IGF2BP2: variants seen among roughly 807,000 people sequenced by gnomAD.
IGF2BP2 encodes insulin-like growth factor 2 mRNA-binding protein 2.
A neutral mutation model predicts 75.8 loss-of-function variants in IGF2BP2; 17 were observed. That is an observed-to-expected ratio of 0.22 (90% confidence interval 0.15 to 0.34). The LOEUF (loss-of-function observed/expected upper bound fraction) is 0.34. IGF2BP2 is among the 10% of genes least tolerant of loss of function. The probability of loss-of-function intolerance (pLI) is 1.00; values close to 1 mark genes in which losing one functional copy is unlikely to be tolerated. For synonymous variants in IGF2BP2, 288 were observed against 295.6 expected, an observed-to-expected ratio of 0.97 and a Z score of 0.26; for missense variants, 516 against 772.4, an observed-to-expected ratio of 0.67 and a Z score of 3.93.
intron 2 of IGF2BP2, among the ~76,000 whole-genome samples, chr3:185,739,460 T>G (rs1456245696): frequency 6.6e-6 from 1 of 152,230 alleles, no homozygotes; most frequent in African/African-American, 2.4e-5. Context: ...TAAACCCTTC[T>G]GTTATCAAAA....
chr3:185,697,413 G>C (rs566484275), intron 3 of IGF2BP2, among the ~76,000 whole-genome samples: 4 of 131,738 alleles, frequency 3.0e-5, no homozygotes, highest in African/African-American at 9.9e-5. Flanking sequence ...GGCAATAATC[G>C]TGTGTTTTTT....
rs9845593 is a variant in IGF2BP2 at position 185,646,416 on chromosome 3, T to C, written c.1707+609A>G. On this transcript the variant is annotated intron_variant, in intron 15 of 15. Transcript: ENST00000382199. The stretch of plus-strand genomic sequence containing the variant: ...GTCTGCTTACACCAAGTACACTGTT[T>C]GTCTTCACTGGTTTAGGACAAAGAC... Among the ~76,000 whole-genome samples the C allele has an allele frequency of 7.2e-3, 1,096 of 152,298 alleles. 18 individuals carry two copies. The highest frequency in any genetic ancestry group is 0.024 in the African/African-American group (983 of 41,546).
intron 2 of IGF2BP2, among the ~76,000 whole-genome samples, chr3:185,715,514 C>T (rs1484383735): frequency 6.6e-6 from 1 of 152,236 alleles, no homozygotes; most frequent in Non-Finnish European, 1.5e-5. Context: ...ATTGACTTTT[C>T]ATCCTCAGAA....
At chr3:185,749,285 A>G (rs1267177871) in intron 2 of IGF2BP2, among the ~76,000 whole-genome samples, 8 of 152,256 alleles carry the variant, frequency 5.3e-5, no homozygotes, top group Admixed American at 5.2e-4. Context: ...ATTGTCTACT[A>G]GTTTATTTAT....
intron 2 of IGF2BP2, among the ~76,000 whole-genome samples, chr3:185,776,525 G>A (rs1224967928): frequency 6.6e-6 from 1 of 152,178 alleles, no homozygotes; most frequent in Non-Finnish European, 1.5e-5. Flanking sequence ...GCTGAGCCTC[G>A]TTTTGAACGT....
intron 2 of IGF2BP2, among the ~76,000 whole-genome samples, chr3:185,795,992 T>C (rs1737321942): frequency 6.6e-6 from 1 of 152,212 alleles, no homozygotes; most frequent in Admixed American, 6.5e-5. Flanking sequence ...GATTGTATGA[T>C]GTAGAGGAAA....
intron 1 of IGF2BP2, among the ~76,000 whole-genome samples, chr3:185,823,609 C>T (rs1326922586): frequency 6.6e-6 from 1 of 152,076 alleles, no homozygotes; most frequent in Non-Finnish European, 1.5e-5. Context: ...CCACCGGGCT[C>T]CCCTCCCTGC....
intron 2 of IGF2BP2, among the ~76,000 whole-genome samples, chr3:185,764,602 T>C (rs1285183033): frequency 6.6e-6 from 1 of 152,196 alleles, no homozygotes; most frequent in Non-Finnish European, 1.5e-5. Flanking sequence ...AGGGAGGTTG[T>C]TTCACAGGAC....
chr3:185,691,097 CT>C (rs1007243708), intron 5 of IGF2BP2, among the ~76,000 whole-genome samples: 2 of 151,454 alleles, frequency 1.3e-5, no homozygotes, highest in East Asian at 1.9e-4. Flanking sequence ...TTACCTTTTT[CT>C]TTTTTTTTAT....
intron 2 of IGF2BP2, among the ~76,000 whole-genome samples, chr3:185,807,369 C>G (rs1356035884): frequency 1.3e-5 from 2 of 152,176 alleles, no homozygotes; most frequent in African/African-American, 4.8e-5. Context: ...ATGGGGATAA[C>G]AGTATCTTCC....
intron 2 of IGF2BP2, among the ~76,000 whole-genome samples, chr3:185,753,741 T>C (rs546660462): frequency 3.3e-4 from 50 of 152,258 alleles, no homozygotes; most frequent in African/African-American, 1.1e-3. Context: ...ATGGCTTGGA[T>C]GTGTGTCCCC....
intron 3 of IGF2BP2, 83 bp downstream of exon 3, chr3:185,698,216 G>A: frequency 8.5e-7 from 1 of 1,181,340 alleles, no homozygotes; most frequent in East Asian, 2.3e-5. Flanking sequence ...GAAACACTGA[G>A]GCCCTCTAAT....
intron 2 of IGF2BP2, among the ~76,000 whole-genome samples, chr3:185,761,168 C>T (rs1732306604): frequency 6.6e-6 from 1 of 151,982 alleles, no homozygotes; most frequent in Admixed American, 6.6e-5. Flanking sequence ...TGGTGTTAGG[C>T]TCCAACGAAA....
At chr3:185,735,198 T>C (rs1578143090) in intron 2 of IGF2BP2, among the ~76,000 whole-genome samples, 1 of 150,424 alleles carries the variant, frequency 6.6e-6, no homozygotes, top group Admixed American at 6.7e-5. Context: ...CAGGCTGGAG[T>C]GCAGCGGCAT....
chr3:185,796,552 G>A (rs1737415419), intron 2 of IGF2BP2, among the ~76,000 whole-genome samples: 2 of 108,250 alleles, frequency 1.8e-5, no homozygotes, highest in Non-Finnish European at 1.7e-5. Context: ...GTGACAGAGT[G>A]ACATTCCGTC....
intron 2 of IGF2BP2, among the ~76,000 whole-genome samples, chr3:185,723,978 G>A (rs768100448): frequency 5.3e-5 from 8 of 152,202 alleles, no homozygotes; most frequent in African/African-American, 1.7e-4. Context: ...CAGGGAAGCC[G>A]AAGGAGACAA....
intron 10 of IGF2BP2, among the ~76,000 whole-genome samples, chr3:185,663,243 A>G (rs1260526862): frequency 6.6e-6 from 1 of 152,148 alleles, no homozygotes; most frequent in Non-Finnish European, 1.5e-5. Flanking sequence ...CGGAGAAGCT[A>G]CTTTATTTTT....
intron 2 of IGF2BP2, among the ~76,000 whole-genome samples, chr3:185,739,877 C>T (rs1389703728): frequency 8.9e-6 from 1 of 112,784 alleles, no homozygotes; most frequent in African/African-American, 3.5e-5. Context: ...CACCCCGAGA[C>T]AAGGTCTCAC....
intron 2 of IGF2BP2, among the ~76,000 whole-genome samples, chr3:185,779,840 C>T (rs1421422129): frequency 6.6e-6 from 1 of 152,114 alleles, no homozygotes; most frequent in East Asian, 1.9e-4. Flanking sequence ...GAGTTATTTG[C>T]CATTAAACAA....
Sources: allele counts gnomAD v4.1 joint callset (sites outside exome capture counted in the v4.1 genomes callset), GRCh38; gene constraint gnomAD v4.1.1; transcripts MANE v1.5; gene names NCBI Gene and HGNC (gene_info 2026-07-23, HGNC 2026-07-21).